The following CELSR1 variants were observed in gnomAD, a reference collection of about 807,000 sequenced individuals.
The protein encoded by CELSR1 is cadherin EGF LAG seven-pass G-type receptor 1, also known as adhesion G protein-coupled receptor C1.
CELSR1 carries 110 observed loss-of-function variants against 249.1 expected under a neutral mutation model. The observed-to-expected ratio is 0.44, with a 90% CI of 0.38 to 0.52. The LOEUF is 0.52. Among genes scored for constraint, CELSR1 ranks in the 20% least tolerant of loss-of-function variants. The pLI is 0.00. For missense variants in CELSR1, 4,109 were observed against 4,296.4 expected, an observed-to-expected ratio of 0.96 and a Z score of 1.22; for synonymous variants, 2,113 against 1,900.0, an observed-to-expected ratio of 1.11 and a Z score of -2.92.
Position 46,406,536 on chromosome 22 carries a change from G to A in CELSR1, c.5226+2460C>T, listed in dbSNP as rs1037413017. 1.3e-5 allele frequency among the ~76,000 whole-genome samples: 2 copies of A among 152,160 alleles called. No individual in the cohort carries two copies. The highest frequency in any genetic ancestry group is 2.4e-5 in the African/African-American group (1 of 41,442). ...CCACCAGCCTGCTGGGAGCACTCTC[G>A]GTCCTGCCCCCGCCACACTCCAACC... On this transcript the variant is annotated intron_variant, in intron 9 of 34. Coordinates refer to ENST00000674500, the MANE Select transcript of CELSR1 (RefSeq NM_001378328.1). The surrounding 1 kb of genome is among the most constrained non-coding windows in gnomAD (Gnocchi z 5.4).
At position 46,409,760 on chromosome 22, in the gene CELSR1, T is replaced by TCA. The variant is rs786201015; in HGVS notation, c.5052_5053dup (p.Glu1685ValfsTer22). 1.9e-6 allele frequency: 3 copies of TCA among 1,613,248 alleles called. No individual in the cohort carries two copies. In the Admixed American group the frequency reaches 5.0e-5, roughly 27 times the overall value. Reference sequence around the variant, plus strand: ...GGACGACGCCGGCCACTCACCTTGCTCACAGTTCTTCCCGCCGAATCGGAG... The same window carrying TCA: ...GGACGACGCCGGCCACTCACCTTGCTCACACAGTTCTTCCCGCCGAATCGGAG... On this transcript the variant is annotated frameshift_variant, in exon 8 of 35. Coordinates refer to ENST00000674500, the MANE Select transcript of CELSR1 (RefSeq NM_001378328.1). LOFTEE classifies it high-confidence loss of function. This position sits in a 1 kb window ranked among gnomAD's most constrained non-coding sequence, Gnocchi z 9.8.
chr22:46,474,040 C>T (rs1223331864), intron 1 of CELSR1, among the ~76,000 whole-genome samples: 4 of 152,138 alleles, frequency 2.6e-5, no homozygotes, highest in East Asian at 3.9e-4. Flanking sequence ...GAGTGAGCCT[C>T]GGACCCAGGA....
chr22:46,415,596 A>G (rs984015050), intron 5 of CELSR1, among the ~76,000 whole-genome samples: 3 of 151,968 alleles, frequency 2.0e-5, no homozygotes, highest in African/African-American at 7.3e-5. Flanking sequence ...ATTTTATGCT[A>G]TGTGAACTTC....
chr22:46,383,909 C>G (rs1449857222), intron 20 of CELSR1, among the ~76,000 whole-genome samples: 1 of 152,174 alleles, frequency 6.6e-6, no homozygotes, highest in Non-Finnish European at 1.5e-5. Context: ...CTGACATTAT[C>G]AATTACATGG....
intron 2 of CELSR1, 48 bp downstream of exon 2, chr22:46,463,659 G>C: frequency 6.8e-7 from 1 of 1,461,170 alleles, no homozygotes; most frequent in Non-Finnish European, 9.0e-7. Context: ...CCTCGGCCAT[G>C]TGACCTGGGG....
chr22:46,471,256 T>C lies in CELSR1; in HGVS notation c.3545-6911A>G, dbSNP rs1326939686. Among the ~76,000 whole-genome samples, 1 of 152,244 alleles carries C rather than the reference T, an allele frequency of 6.6e-6. No homozygotes were observed. Among genetic ancestry groups the C allele is most frequent in the East Asian group, 1.9e-4 (1 of 5,208 alleles). ...TCTGTCTGCATTGCTGATTTTGTTT[T>C]TTGTTTGTTTTTATAAAACTTAATT... On this transcript the variant is annotated intron_variant, in intron 1 of 34. Coordinates refer to ENST00000674500, the MANE Select transcript of CELSR1 (RefSeq NM_001378328.1). This position sits in a 1 kb window ranked among gnomAD's most constrained non-coding sequence, Gnocchi z 4.9.
chr22:46,367,055 C>T lies in CELSR1; in HGVS notation c.8143G>A (p.Val2715Met), dbSNP rs757631704. 12 of 1,611,326 alleles carry T rather than the reference C, an allele frequency of 7.4e-6. No homozygotes were observed. The highest frequency in any genetic ancestry group is 4.5e-5 in the East Asian group (2 of 44,864). The part of the protein sequence containing the change: ...NQEVRKHLKG[V>M]LGGRKLHLED... ...AGGTGCAGCTTCCTCCCGCCGAGCA[C>T]GCCCTTCAGGTGCTTCCGGACCTCC... Residue 2715 changes from valine (V) to methionine (M), a missense_variant, in exon 29 of 35, where the codon GTG (valine) becomes ATG (methionine). Around this residue, in one of 7 missense-constraint regions of CELSR1, gnomAD observed 1,805 missense variants for 1,831.6 expected, o/e 0.99. Transcript: ENST00000674500.
In CELSR1 at chr22:46,390,980, A is replaced by G. The variant is rs529318554; in HGVS notation, c.6250+206T>C. Among the ~76,000 whole-genome samples, 116 of 152,158 alleles carry G rather than the reference A, an allele frequency of 7.6e-4. 1 individual carries two copies. In the South Asian group the frequency reaches 0.022, roughly 29 times the overall value. ...GGGCCTGACTGGCGGGCGTCCCCAC[A>G]CGCGCTGCACTGTTCATGTTTCTGT... On this transcript the variant is annotated intron_variant, in intron 16 of 34. Transcript: ENST00000674500. The surrounding 1 kb of genome is among the most constrained non-coding windows in gnomAD (Gnocchi z 6.3).
chr22:46,536,485 G>A lies in CELSR1; in HGVS notation c.686C>T (p.Pro229Leu), dbSNP rs758996207. ...CGTGCCCCGCCGGGCCCGTCGCGCCGGCCCCGCCCGGGCTTCGGGCAAGTT... is the reference window on the plus strand; with the variant it reads ...CGTGCCCCGCCGGGCCCGTCGCGCCAGCCCCGCCCGGGCTTCGGGCAAGTT... ...PPNLPEARAG[P>L]ARRARRGTSG... Residue 229 changes from proline (P) to leucine (L), a missense_variant, in exon 1 of 35, where the codon CCG becomes CTG. Physicochemically the swap from Pro to Leu is moderately conservative, Grantham distance 98. This residue lies in a region of CELSR1 where 673 missense variants were observed against 636.8 expected (regional missense o/e 1.06). Transcript: ENST00000674500. 8 of 1,592,638 alleles carry A rather than the reference G, an allele frequency of 5.0e-6. No individual in the cohort carries two copies. The highest frequency in any genetic ancestry group is 1.4e-5 in the African/African-American group (1 of 73,770).
chr22:46,398,267 A>G lies in CELSR1; in HGVS notation c.5526+257T>C, dbSNP rs1034468617. ...AGGGGCTCGATTCAGGACACTTCACAAAGGCAGAGGGGCAGGTGGCTGGCA... is the reference window on the plus strand; with the variant it reads ...AGGGGCTCGATTCAGGACACTTCACGAAGGCAGAGGGGCAGGTGGCTGGCA... On this transcript the variant is annotated intron_variant, in intron 11 of 34. Transcript: ENST00000674500. The surrounding 1 kb of genome is among the most constrained non-coding windows in gnomAD (Gnocchi z 7.2). Among the ~76,000 whole-genome samples the G allele has an allele frequency of 6.6e-6, 1 of 152,110 alleles. No individual in the cohort carries two copies. Among genetic ancestry groups the G allele is most frequent in the Non-Finnish European group, 1.5e-5 (1 of 68,010 alleles).
At chr22:46,367,234 C>G (rs1004513743) in intron 28 of CELSR1, 116 bp from the exon 29 acceptor site, 1 of 1,352,896 alleles carries the variant, frequency 7.4e-7, no homozygotes, top group Non-Finnish European at 9.9e-7. Flanking sequence ...TCCGGCCACA[C>G]GGCCCAGGAC....
chr22:46,395,669 G>A lies in CELSR1; in HGVS notation c.5843+936C>T, dbSNP rs1160610677. Among the ~76,000 whole-genome samples, 1 of 152,170 alleles carries A rather than the reference G, an allele frequency of 6.6e-6. No homozygotes were observed. The highest frequency in any genetic ancestry group is 2.4e-5 in the African/African-American group (1 of 41,434). ...GCCGGGATCACAGCACCTGCTCTAG[G>A]CTCGGGAGGACAAAGAACGGAGCAT... On this transcript the variant is annotated intron_variant, in intron 13 of 34. Coordinates refer to ENST00000674500, the MANE Select transcript of CELSR1 (RefSeq NM_001378328.1). The surrounding 1 kb of genome is among the most constrained non-coding windows in gnomAD (Gnocchi z 5.5).
At chr22:46,510,639 G>C (rs2080564133) in intron 1 of CELSR1, among the ~76,000 whole-genome samples, 2 of 152,186 alleles carry the variant, frequency 1.3e-5, no homozygotes, top group Non-Finnish European at 2.9e-5. Context: ...GGAAAATTAA[G>C]ACATAAAGGA....
At chr22:46,420,200 A>G (rs79173691) in intron 5 of CELSR1, among the ~76,000 whole-genome samples, 16,800 of 151,162 alleles carry the variant, frequency 0.11, 1,658 homozygotes, top group African/African-American at 0.27. Flanking sequence ...GTGCACACCT[A>G]CCCACACTCG....
At chr22:46,507,757 A>G (rs983473892) in intron 1 of CELSR1, among the ~76,000 whole-genome samples, 1 of 151,186 alleles carries the variant, frequency 6.6e-6, no homozygotes, top group Non-Finnish European at 1.5e-5. Flanking sequence ...GAGCCTGTTC[A>G]GTGGGGCAGG....
rs2079281400 is a variant in CELSR1 at position 46,407,662 on chromosome 22, A to C, written c.5226+1334T>G. On this transcript the variant is annotated intron_variant, in intron 9 of 34. Coordinates refer to ENST00000674500, the MANE Select transcript of CELSR1 (RefSeq NM_001378328.1). This position sits in a 1 kb window ranked among gnomAD's most constrained non-coding sequence, Gnocchi z 4.8. ...AAACAAAACAAAACAAAACAAAAAA[A>C]ACCTAGGATGAAGGAAGGAATAACT... 6.6e-6 allele frequency among the ~76,000 whole-genome samples: 1 copy of C among 152,104 alleles called. No individual in the cohort carries two copies. The highest frequency in any genetic ancestry group is 2.1e-4 in the South Asian group (1 of 4,824).
Position 46,464,216 on chromosome 22 carries a change from G to A in CELSR1, c.3674C>T (p.Ala1225Val). ...SQEKFLSPLL[A>V]LFVEGVAAVL... ...GGCGGCCACCCCCTCCACGAAGAGG[G>A]CCAGCAGCGGGGACAGGAACTTCTC... The change falls in exon 2 of 35, where the codon GCC (alanine) becomes GTC (valine). Residue 1225 changes from alanine to valine, a missense_variant. Coordinates refer to ENST00000674500, the MANE Select transcript of CELSR1 (RefSeq NM_001378328.1). The surrounding 1 kb of genome is among the most constrained non-coding windows in gnomAD (Gnocchi z 8.5). 1 of 1,613,776 alleles carries A rather than the reference G, an allele frequency of 6.2e-7. No individual in the cohort carries two copies.
chr22:46,407,576 G>A lies in CELSR1; in HGVS notation c.5226+1420C>T, dbSNP rs978777121. The stretch of plus-strand genomic sequence containing the variant: ...GAACCTGGGGGGCAGAAGTTGCAGT[G>A]AGCTGAGGTTACGCCGTCGCACTCC... On this transcript the variant is annotated intron_variant, in intron 9 of 34. Coordinates refer to ENST00000674500, the MANE Select transcript of CELSR1 (RefSeq NM_001378328.1). This position sits in a 1 kb window ranked among gnomAD's most constrained non-coding sequence, Gnocchi z 4.8. Among the ~76,000 whole-genome samples the A allele has an allele frequency of 3.3e-5, 5 of 152,100 alleles. No individual in the cohort carries two copies. Among genetic ancestry groups the A allele is most frequent in the Non-Finnish European group, 7.3e-5 (5 of 68,028 alleles).
At position 46,410,688 on chromosome 22, in the gene CELSR1, G is replaced by A. The variant is rs189342142; in HGVS notation, c.4770-127C>T. On this transcript the variant is annotated intron_variant, in intron 6 of 34. Coordinates refer to ENST00000674500, the MANE Select transcript of CELSR1 (RefSeq NM_001378328.1). This position sits in a 1 kb window ranked among gnomAD's most constrained non-coding sequence, Gnocchi z 6.8. ...TACTTCAGAAACCAAGCAGACAGGCGGGGAGAGGCCAAAGTCAGAGGGGGC... is the reference window on the plus strand; with the variant it reads ...TACTTCAGAAACCAAGCAGACAGGCAGGGAGAGGCCAAAGTCAGAGGGGGC... 183 of 927,100 alleles carry A rather than the reference G, an allele frequency of 2.0e-4. 1 individual carries two copies. Among genetic ancestry groups the A allele is most frequent in the Middle Eastern group, 2.8e-4 (1 of 3,620 alleles). The allele number at this position is 927,100 out of a possible 1,614,324, so 57.4% of individuals were successfully genotyped here.
Sources: gnomAD v4.1 joint callset for allele counts (sites outside exome capture counted in the v4.1 genomes callset) on GRCh38, gnomAD v4.1.1 for gene constraint, gnomAD v4.1.1 regional missense constraint, Gnocchi (gnomAD v3.1) non-coding constraint, MANE v1.5 for transcripts, NCBI Gene and HGNC (gene_info 2026-07-23, HGNC 2026-07-21) for gene names.